The following WDFY3 variants were observed in gnomAD, a reference collection of about 807,000 sequenced individuals.
WDFY3 encodes the protein WD repeat and FYVE domain containing 3, also known as WD repeat and FYVE domain-containing protein 3.
Under a neutral mutation model 409.6 loss-of-function variants are expected in WDFY3, and 66 were observed. The observed-to-expected ratio is 0.16, with a 90% confidence interval of 0.13 to 0.20. The LOEUF (loss-of-function observed/expected upper bound fraction) is 0.20, where lower values mean the gene tolerates loss of function less well. WDFY3 is among the 10% of genes least tolerant of loss of function. The pLI is 1.00. For synonymous variants in WDFY3, 1,521 were observed against 1,537.1 expected (o/e 0.99, Z 0.25); for missense variants, 3,031 against 4,298.1 (o/e 0.71, Z 8.24).
chr4:84,897,303 G>A (rs553775276), intron 2 of WDFY3, among the ~76,000 whole-genome samples: 2 of 152,164 alleles, frequency 1.3e-5, no homozygotes, highest in Admixed American at 1.3e-4. Context: ...AAATCATATG[G>A]TATGGAGGTC....
intron 3 of WDFY3, among the ~76,000 whole-genome samples, chr4:84,870,771 G>A (rs1245035428): frequency 6.6e-6 from 1 of 151,998 alleles, no homozygotes; most frequent in Non-Finnish European, 1.5e-5. Flanking sequence ...AAGCCCAGGG[G>A]AAACACTTGG....
intron 45 of WDFY3, 47 bp downstream of exon 45, chr4:84,726,813 AC>A: frequency 6.4e-7 from 1 of 1,559,270 alleles, no homozygotes. Flanking sequence ...AAAACAAAAA[AC>A]AAAACTACAA....
At chr4:84,844,516 A>T in intron 5 of WDFY3, 9 of 1,267,848 alleles carry the variant, frequency 7.1e-6, no homozygotes, top group Non-Finnish European at 9.2e-6. Flanking sequence ...TTTTCTGTTT[A>T]AAAAAAAAGG....
chr4:84,733,173 G>A (rs1736887674), intron 44 of WDFY3, among the ~76,000 whole-genome samples: 1 of 152,142 alleles, frequency 6.6e-6, no homozygotes, highest in Non-Finnish European at 1.5e-5. Context: ...TCTGGAGTCT[G>A]TAATCTAAAC....
chr4:84,810,063 G>C lies in WDFY3; in HGVS notation c.2169C>G (p.Gly723=). ...EKLADAVRFL[G]CFSDLRKISA... is the part of the protein sequence containing the mutation. ...TTATTTTTCTTAGGTCTGAGAAGCA[G>C]CCAAGAAATCGAACAGCATCTGCCA... The change falls in exon 14 of 68, where the codon GGC becomes GGG. Residue 723 remains glycine, a synonymous_variant. Transcript: ENST00000295888. 1 of 1,614,188 alleles carries C rather than the reference G, an allele frequency of 6.2e-7. No homozygotes were observed.
rs140714773 is a variant in WDFY3, at chr4:84,741,449, G to T, written c.6234+312C>A. 5.5e-3 allele frequency among the ~76,000 whole-genome samples: 837 copies of T among 151,978 alleles called. 8 individuals are homozygous for T. The highest frequency in any genetic ancestry group is 0.019 in the African/African-American group (791 of 41,426). ...CCTGCCTCCACCTCCCAAGTAGCTGGAATTACAGGCGCGCACCAACATGCC... is the reference window on the plus strand; with the variant it reads ...CCTGCCTCCACCTCCCAAGTAGCTGTAATTACAGGCGCGCACCAACATGCC... On this transcript the variant is annotated intron_variant, in intron 38 of 67. Coordinates refer to ENST00000295888, the MANE Select transcript of WDFY3 (RefSeq NM_014991.6).
At chr4:84,799,083 T>TG (rs1198678778) in intron 17 of WDFY3, among the ~76,000 whole-genome samples, 1 of 152,156 alleles carries the variant, frequency 6.6e-6, no homozygotes, top group African/African-American at 2.4e-5. Context: ...TTTTTCTTGT[T>TG]GGGGAAAAAA....
chr4:84,700,852 C>T (rs1578178418), intron 56 of WDFY3, among the ~76,000 whole-genome samples: 1 of 152,314 alleles, frequency 6.6e-6, no homozygotes, highest in South Asian at 2.1e-4. Context: ...CCTGTAACCA[C>T]TGAGACGGGC....
Position 84,684,038 on chromosome 4 carries a change from T to C in WDFY3, c.9631A>G (p.Arg3211Gly), listed in dbSNP as rs548993504. Residue 3211 changes from arginine to glycine, a missense_variant, in exon 63 of 68, where the codon AGG becomes GGG. By Grantham distance (125) the Arg-to-Gly change is moderately radical. This residue lies in a region of WDFY3 where 378 missense variants were observed against 477.3 expected (regional missense o/e 0.79). Coordinates refer to ENST00000295888, the MANE Select transcript of WDFY3 (RefSeq NM_014991.6). ...PIVSVNTFTGRSQQIICCCMS... is the reference protein window; with the variant it reads ...PIVSVNTFTGGSQQIICCCMS... Reference sequence around the variant, plus strand: ...CAGCAGCAGATGATCTGCTGGCTCCTACCTGTGAACGTGTTGACACTCACG... The same window carrying C: ...CAGCAGCAGATGATCTGCTGGCTCCCACCTGTGAACGTGTTGACACTCACG... The C allele has an allele frequency of 1.0e-4, 162 of 1,613,916 alleles. 4 individuals carry two copies. The South Asian group carries it at 1.6e-3, about 16-fold the overall frequency.
chr4:84,715,417 A>T (rs1733689361), intron 49 of WDFY3, 34 bp from the exon 50 acceptor site: 2 of 1,170,566 alleles, frequency 1.7e-6, no homozygotes, highest in Non-Finnish European at 2.5e-6. Flanking sequence ...ATTAAGAAAA[A>T]ACAGAAGTTC....
intron 37 of WDFY3, among the ~76,000 whole-genome samples, chr4:84,742,688 G>A (rs949235517): frequency 8.5e-5 from 13 of 152,232 alleles, no homozygotes; most frequent in South Asian, 2.1e-4. Context: ...ATTATGAACC[G>A]TGCATGCAAG....
chr4:84,699,734 C>T (rs997683186), intron 56 of WDFY3, among the ~76,000 whole-genome samples: 13 of 151,960 alleles, frequency 8.6e-5, no homozygotes, highest in Admixed American at 2.0e-4. Context: ...GTTCCCCCCA[C>T]CCCATTATGG....
At chr4:84,776,815 A>G (rs993930204) in intron 27 of WDFY3, among the ~76,000 whole-genome samples, 1 of 152,134 alleles carries the variant, frequency 6.6e-6, no homozygotes, top group Non-Finnish European at 1.5e-5. Flanking sequence ...TGTACTTTAT[A>G]GTGTAGAAAA....
At chr4:84,784,195 G>T (rs2149501348) in intron 24 of WDFY3, among the ~76,000 whole-genome samples, 1 of 152,112 alleles carries the variant, frequency 6.6e-6, no homozygotes, top group African/African-American at 2.4e-5. Flanking sequence ...CATAACACTG[G>T]AACGTCCCAG....
rs1750582786 is a variant in WDFY3, at chr4:84,801,640, G to A, written c.2822+10C>T. ...AATTGTGGACTATTTGAGTATGAAA[G>A]AGAACTTACCTCAACACCATGGGTT... On this transcript the variant is annotated intron_variant, in intron 17 of 67. Coordinates refer to ENST00000295888, the MANE Select transcript of WDFY3 (RefSeq NM_014991.6). 6.3e-7 allele frequency: 1 copy of A among 1,598,928 alleles called. No homozygotes were observed. The highest frequency in any genetic ancestry group is 1.3e-5 in the African/African-American group (1 of 74,572).
In WDFY3 at chr4:84,708,966, A is replaced by G. The variant is rs983130709; in HGVS notation, c.8160T>C (p.Tyr2720=). Residue 2720 remains tyrosine, a synonymous_variant, in exon 53 of 68, where the codon TAT becomes TAC. Transcript: ENST00000295888. ...MHLNTLAGRS[Y]NDLMQYPVFP... is the part of the protein sequence containing the mutation. ...AGACAGGATACTGCATGAGATCATT[A>G]TATGATCTGCCAGCCAAAGTGTTCA... 1.2e-6 allele frequency: 2 copies of G among 1,613,074 alleles called. No homozygotes were observed. The highest frequency in any genetic ancestry group is 1.7e-6 in the Non-Finnish European group (2 of 1,178,996).
intron 54 of WDFY3, among the ~76,000 whole-genome samples, 162 bp from the exon 55 acceptor site, chr4:84,704,606 C>T (rs1018575535): frequency 1.2e-4 from 19 of 152,136 alleles, no homozygotes; most frequent in Admixed American, 8.5e-4. Context: ...ACACCACTAC[C>T]CCTCTCTTCT....
At chr4:84,757,241 C>T (rs1741619636) in intron 32 of WDFY3, 80 bp from the exon 33 acceptor site, 3 of 1,280,904 alleles carry the variant, frequency 2.3e-6, no homozygotes, top group Non-Finnish European at 1.1e-6. Flanking sequence ...GGAAGTAATT[C>T]AGTATGTGTT....
intron 1 of WDFY3, among the ~76,000 whole-genome samples, chr4:84,946,618 G>A (rs937389906): frequency 4.6e-5 from 7 of 152,066 alleles, no homozygotes; most frequent in African/African-American, 1.4e-4. Context: ...GAAAAGCAGT[G>A]GTTAAGCTAC....
Sources: allele counts gnomAD v4.1 joint callset (sites outside exome capture counted in the v4.1 genomes callset), GRCh38; gene constraint gnomAD v4.1.1; regional missense constraint gnomAD v4.1.1; transcripts MANE v1.5; gene names NCBI Gene and HGNC (gene_info 2026-07-23, HGNC 2026-07-21).